FCF1: variants seen among roughly 807,000 people sequenced by gnomAD.
The protein encoded by FCF1 is rRNA-processing protein FCF1 homolog.
Under a neutral mutation model 32.5 loss-of-function variants are expected in FCF1, and 17 were observed. The observed-to-expected ratio is 0.52, with a 90% CI of 0.36 to 0.78. The LOEUF (loss-of-function observed/expected upper bound fraction) is 0.78, where lower values mean the gene tolerates loss of function less well. FCF1 is among the 30% of genes least tolerant of loss of function. The pLI, the probability that FCF1 is intolerant of heterozygous loss-of-function variation, is 0.00. For synonymous variants in FCF1, 84 were observed against 78.4 expected, an observed-to-expected ratio of 1.07 and a Z score of -0.38; for missense variants, 201 against 241.1, an observed-to-expected ratio of 0.83 and a Z score of 1.10.
intron 1 of FCF1, 90 bp from the exon 2 acceptor site, chr14:74,713,394 AG>A: frequency 6.5e-7 from 1 of 1,538,432 alleles, no homozygotes; most frequent in Non-Finnish European, 8.9e-7. Flanking sequence ...ATTTGAGGCA[AG>A]AAGGGAAGGC....
chr14:74,713,342 G>A, intron 1 of FCF1, 142 bp downstream of exon 1: 1 of 1,582,050 alleles, frequency 6.3e-7, no homozygotes. Context: ...TCTCCAAGCG[G>A]TGACTGTTAT....
In FCF1 at chr14:74,721,811, G is replaced by A. The variant is rs534354068; in HGVS notation, c.293-1461G>A. Among the ~76,000 whole-genome samples the A allele has an allele frequency of 4.6e-5, 7 of 152,202 alleles. No individual in the cohort carries two copies. The South Asian group carries it at 1.5e-3, about 32-fold the overall frequency. On this transcript the variant is annotated intron_variant, in intron 4 of 7. Transcript: ENST00000341162. ...TTTTTTAAACCCAGTATCTTATTAG[G>A]TATTTTGGTTATTTCCAGGTTCTAC...
chr14:74,728,197 T>C (rs1202561490), intron 5 of FCF1, among the ~76,000 whole-genome samples: 2 of 152,238 alleles, frequency 1.3e-5, no homozygotes, highest in Non-Finnish European at 2.9e-5. Flanking sequence ...CCTTGGGCAG[T>C]ATGGCCATTT....
rs575131182 is a variant in FCF1, at chr14:74,738,572, A to C, written c.*3642A>C. ...GTGCAAATATTTATGGCCATTTTTT[A>C]CAGCTGTTGACAAGATCCACTAAAA... On this transcript the variant is annotated 3_prime_UTR_variant, in exon 8 of 8. Coordinates refer to ENST00000341162, the MANE Select transcript of FCF1 (RefSeq NM_015962.5). 1 of 152,260 alleles carries C rather than the reference A, an allele frequency of 6.6e-6. No individual in the cohort carries two copies. Among genetic ancestry groups the C allele is most frequent in the African/African-American group, 2.4e-5 (1 of 41,554 alleles). 9.4% of individuals were successfully genotyped at this position (152,260 alleles called of 1,614,324 possible).
At chr14:74,725,508 A>AT (rs2090565311) in intron 5 of FCF1, among the ~76,000 whole-genome samples, 1 of 142,658 alleles carries the variant, frequency 7.0e-6, no homozygotes, top group African/African-American at 2.7e-5. Context: ...AAAAAAAAAA[A>AT]ACTGGGTACA....
chr14:74,724,040 T>G (rs1334648796), intron 5 of FCF1, among the ~76,000 whole-genome samples: 1 of 152,086 alleles, frequency 6.6e-6, no homozygotes, highest in African/African-American at 2.4e-5. Flanking sequence ...TTGGCAAAAA[T>G]TTTTTAATGA....
chr14:74,721,835 AC>A (rs1324962407), intron 4 of FCF1, among the ~76,000 whole-genome samples: 2 of 152,160 alleles, frequency 1.3e-5, no homozygotes, highest in African/African-American at 2.4e-5. Flanking sequence ...TCCAGGTTCT[AC>A]CCAATTAACA....
chr14:74,738,560 T>C lies in FCF1; in HGVS notation c.*3630T>C, dbSNP rs1421165446. ...ATGCTGACAGAAGTGCAAATATTTA[T>C]GGCCATTTTTTACAGCTGTTGACAA... On this transcript the variant is annotated 3_prime_UTR_variant, in exon 8 of 8. Coordinates refer to ENST00000341162, the MANE Select transcript of FCF1 (RefSeq NM_015962.5). 1 of 152,220 alleles carries C rather than the reference T, an allele frequency of 6.6e-6. No homozygotes were observed. The highest frequency in any genetic ancestry group is 1.5e-5 in the Non-Finnish European group (1 of 68,040). The allele number at this position is 152,220 out of a possible 1,614,324, so 9.4% of individuals were successfully genotyped here.
chr14:74,714,021 A>G (rs779981383), intron 2 of FCF1, among the ~76,000 whole-genome samples: 20 of 152,246 alleles, frequency 1.3e-4, no homozygotes, highest in Non-Finnish European at 2.6e-4. Context: ...TATAAGTCTT[A>G]CTAATATAAG....
chr14:74,731,793 G>A (rs2090641101), intron 5 of FCF1, among the ~76,000 whole-genome samples: 1 of 152,120 alleles, frequency 6.6e-6, no homozygotes, highest in Non-Finnish European at 1.5e-5. Context: ...GCAATATGGA[G>A]GAGTATTTGT....
chr14:74,719,884 A>G (rs1011243498), intron 4 of FCF1, among the ~76,000 whole-genome samples: 3 of 152,002 alleles, frequency 2.0e-5, no homozygotes, highest in Non-Finnish European at 2.9e-5. Context: ...ATGGCCTGTA[A>G]TCCCAGCACT....
chr14:74,714,587 A>G (rs1338163633), intron 2 of FCF1, among the ~76,000 whole-genome samples: 1 of 152,184 alleles, frequency 6.6e-6, no homozygotes, highest in Non-Finnish European at 1.5e-5. Context: ...TTGATGTGAG[A>G]GATTCTGACT....
chr14:74,717,693 T>A lies in FCF1; in HGVS notation c.292+1594T>A, dbSNP rs144714284. Among the ~76,000 whole-genome samples, 3 of 152,330 alleles carry A rather than the reference T, an allele frequency of 2.0e-5. No individual in the cohort carries two copies. The East Asian group carries it at 5.8e-4, about 29-fold the overall frequency. On this transcript the variant is annotated intron_variant, in intron 4 of 7. Coordinates refer to ENST00000341162, the MANE Select transcript of FCF1 (RefSeq NM_015962.5). ...TTGTATTTCCCATGGTATTTCTAAT[T>A]GAGCTGCTTCTCCAGGAATGCTGTG...
At chr14:74,715,216 G>A (rs2090402441) in intron 3 of FCF1, among the ~76,000 whole-genome samples, 1 of 151,942 alleles carries the variant, frequency 6.6e-6, no homozygotes, top group African/African-American at 2.4e-5. Context: ...AAGTGCCATT[G>A]TTTAACACAC....
At chr14:74,715,350 G>T (rs1216966559) in intron 3 of FCF1, among the ~76,000 whole-genome samples, 1 of 152,002 alleles carries the variant, frequency 6.6e-6, no homozygotes, top group Non-Finnish European at 1.5e-5. Flanking sequence ...TTCCTTTTAA[G>T]TAAGTACATT....
intron 4 of FCF1, among the ~76,000 whole-genome samples, chr14:74,720,553 CT>C (rs1467348130): frequency 6.6e-6 from 1 of 152,206 alleles, no homozygotes; most frequent in Non-Finnish European, 1.5e-5. Context: ...TAATATTCCA[CT>C]GTATGGATAG....
Position 74,724,406 on chromosome 14 carries a change from C to T in FCF1, c.365+1062C>T, listed in dbSNP as rs2090548347. Among the ~76,000 whole-genome samples the T allele has an allele frequency of 2.0e-5, 3 of 152,158 alleles. No individual in the cohort carries two copies. The South Asian group carries it at 6.2e-4, about 32-fold the overall frequency. Reference sequence around the variant, plus strand: ...TTAAGCAGTCCTCCTGCCTCAGCACCCTCAAGTAGCTGGGACTACAGGCAT... The same window carrying T: ...TTAAGCAGTCCTCCTGCCTCAGCACTCTCAAGTAGCTGGGACTACAGGCAT... On this transcript the variant is annotated intron_variant, in intron 5 of 7. Coordinates refer to ENST00000341162, the MANE Select transcript of FCF1 (RefSeq NM_015962.5).
chr14:74,715,028 T>C, intron 3 of FCF1, 85 bp downstream of exon 3: 1 of 1,328,458 alleles, frequency 7.5e-7, no homozygotes, highest in Non-Finnish European at 1.0e-6. Flanking sequence ...TTTGCTAACT[T>C]ATTTGTTAGT....
At chr14:74,713,445 G>A in intron 1 of FCF1, 40 bp from the exon 2 acceptor site, 1 of 1,596,862 alleles carries the variant, frequency 6.3e-7, no homozygotes, top group Non-Finnish European at 8.6e-7. Flanking sequence ...AAGATGCCGT[G>A]TGTTTCCAAC....
Sources: gnomAD v4.1 joint callset for allele counts (sites outside exome capture counted in the v4.1 genomes callset) on GRCh38, gnomAD v4.1.1 for gene constraint, MANE v1.5 for transcripts, NCBI Gene and HGNC (gene_info 2026-07-23, HGNC 2026-07-21) for gene names.